The following RPS6KA5 variants were observed in gnomAD, a reference collection of about 807,000 sequenced individuals.
RPS6KA5 encodes the protein ribosomal protein S6 kinase alpha-5.
In RPS6KA5, 27 loss-of-function variants were observed where a neutral mutation model predicts 85.5. The observed-to-expected ratio is 0.32, with a 90% CI of 0.23 to 0.44. RPS6KA5 has a LOEUF of 0.44. Among genes scored for constraint, RPS6KA5 ranks in the 20% least tolerant of loss-of-function variants. RPS6KA5 has a pLI of 1.00. For synonymous variants in RPS6KA5, 334 were observed against 348.2 expected, an observed-to-expected ratio of 0.96 and a Z score of 0.46; for missense variants, 811 against 980.9, an observed-to-expected ratio of 0.83 and a Z score of 2.31.
At chr14:90,964,179 A>G (rs1244226441) in intron 3 of RPS6KA5, among the ~76,000 whole-genome samples, 1 of 152,236 alleles carries the variant, frequency 6.6e-6, no homozygotes, top group Non-Finnish European at 1.5e-5. Flanking sequence ...TTCTCCTGAT[A>G]AAACAAAGAA....
chr14:90,934,315 T>G (rs116535935), intron 5 of RPS6KA5, among the ~76,000 whole-genome samples: 1,570 of 152,320 alleles, frequency 0.01, 11 homozygotes, highest in South Asian at 0.034. Context: ...TATTATTTTC[T>G]ATTTTTATTG....
rs528896018 is a variant in RPS6KA5 at position 91,018,489 on chromosome 14, T to C, written c.104-17330A>G. Among the ~76,000 whole-genome samples the C allele has an allele frequency of 2.0e-5, 3 of 152,312 alleles. No individual in the cohort carries two copies. In the East Asian group the frequency reaches 5.8e-4, roughly 29 times the overall value. On this transcript the variant is annotated intron_variant, in intron 1 of 16. Coordinates refer to ENST00000614987, the MANE Select transcript of RPS6KA5 (RefSeq NM_004755.4). ...AATGTGGGTGGGCACCACCATCCAA[T>C]CGGCTGCCAGCATGGCTAGAACAAA...
At chr14:90,949,006 T>C (rs77096896) in intron 3 of RPS6KA5, among the ~76,000 whole-genome samples, 124 of 152,326 alleles carry the variant, frequency 8.1e-4, no homozygotes, top group African/African-American at 2.9e-3. Context: ...TGTTTTGCAA[T>C]GCATTTTACA....
chr14:90,872,044 C>CAATG lies in RPS6KA5; in HGVS notation c.*26_*29dup. The CAATG allele has an allele frequency of 6.3e-7, 1 of 1,590,924 alleles. No homozygotes were observed. Reference sequence around the variant, plus strand: ...GGCATATGCTGAGGGAATAAAGGTGCAATGGATCACTGATACACTCCTACC... The same window carrying CAATG: ...GGCATATGCTGAGGGAATAAAGGTGCAATGAATGGATCACTGATACACTCCTACC... On this transcript the variant is annotated 3_prime_UTR_variant, in exon 17 of 17. Coordinates refer to ENST00000614987, the MANE Select transcript of RPS6KA5 (RefSeq NM_004755.4).
At chr14:90,949,617 T>C (rs772106594) in intron 3 of RPS6KA5, among the ~76,000 whole-genome samples, 5 of 152,188 alleles carry the variant, frequency 3.3e-5, no homozygotes, top group Non-Finnish European at 7.4e-5. Context: ...AAAAATCTAA[T>C]GTACTCCTGT....
At chr14:91,000,753 G>A (rs1344909562) in intron 2 of RPS6KA5, among the ~76,000 whole-genome samples, 1 of 152,094 alleles carries the variant, frequency 6.6e-6, no homozygotes, top group Non-Finnish European at 1.5e-5. Context: ...AGTGAGCTGA[G>A]ATCACGCCAC....
chr14:90,850,034 C>A lies in RPS6KA5; in HGVS notation c.*22040G>T, dbSNP rs2031912931. The A allele has an allele frequency of 6.6e-6, 1 of 152,222 alleles. No homozygotes were observed. The highest frequency in any genetic ancestry group is 2.1e-4 in the South Asian group (1 of 4,830). 9.4% of individuals were successfully genotyped at this position (152,222 alleles called of 1,614,324 possible). ...CCACCTATATTTAAAACAAAGGAAT[C>A]CCCAGTCTCTTTGAAGTATGTGCCT... On this transcript the variant is annotated 3_prime_UTR_variant, in exon 17 of 17. Coordinates refer to ENST00000614987, the MANE Select transcript of RPS6KA5 (RefSeq NM_004755.4).
chr14:91,059,687 C>T (rs2043541310), intron 1 of RPS6KA5, among the ~76,000 whole-genome samples: 1 of 152,204 alleles, frequency 6.6e-6, no homozygotes, highest in African/African-American at 2.4e-5. Flanking sequence ...ATTTCTAAAG[C>T]CATCATCTCC....
At chr14:91,039,100 G>C (rs969544745) in intron 1 of RPS6KA5, among the ~76,000 whole-genome samples, 3 of 152,098 alleles carry the variant, frequency 2.0e-5, no homozygotes. Context: ...TCAAGTCCTA[G>C]AGCTATCAAT....
Position 90,897,969 on chromosome 14 carries a change from G to A in RPS6KA5, c.1473+1360C>T, listed in dbSNP as rs545228219. Among the ~76,000 whole-genome samples the A allele has an allele frequency of 5.3e-5, 8 of 152,332 alleles. No individual in the cohort carries two copies. The South Asian group carries it at 1.0e-3, about 20-fold the overall frequency. On this transcript the variant is annotated intron_variant, in intron 12 of 16. Coordinates refer to ENST00000614987, the MANE Select transcript of RPS6KA5 (RefSeq NM_004755.4). ...GAGTGGCTTGATGAGGCAAGAGGAG[G>A]TAGAGGATCAGGGAGAGCGGTTCCC...
intron 2 of RPS6KA5, among the ~76,000 whole-genome samples, chr14:90,997,547 A>T (rs2040584136): frequency 4.6e-5 from 7 of 152,028 alleles, no homozygotes; most frequent in Admixed American, 4.6e-4. Flanking sequence ...TGCCCAACCA[A>T]TTTTTTAATT....
chr14:90,893,733 G>A (rs1022379680), intron 13 of RPS6KA5, among the ~76,000 whole-genome samples: 3 of 151,762 alleles, frequency 2.0e-5, no homozygotes, highest in African/African-American at 4.8e-5. Flanking sequence ...ATTGATTTTC[G>A]TTTTTCAATT....
chr14:90,924,976 T>C (rs1040025658), intron 5 of RPS6KA5, among the ~76,000 whole-genome samples: 1 of 152,246 alleles, frequency 6.6e-6, no homozygotes, highest in African/African-American at 2.4e-5. Flanking sequence ...AACAGGTTTT[T>C]TTCTCATCCC....
At chr14:90,934,580 T>G (rs2037163603) in intron 5 of RPS6KA5, among the ~76,000 whole-genome samples, 2 of 152,170 alleles carry the variant, frequency 1.3e-5, no homozygotes, top group South Asian at 4.1e-4. Context: ...AAATATATAC[T>G]TGGAAGTTTC....
rs1334503348 is a variant in RPS6KA5, at chr14:90,847,957, G to C, written c.*24117C>G. The C allele has an allele frequency of 6.6e-6, 1 of 152,128 alleles. No homozygotes were observed. The highest frequency in any genetic ancestry group is 1.5e-5 in the Non-Finnish European group (1 of 68,018). The allele number at this position is 152,128 out of a possible 1,614,324, so 9.4% of individuals were successfully genotyped here. A position where few individuals can be genotyped will look rare whatever the true frequency, so the allele number is the denominator to read the frequency against. On this transcript the variant is annotated 3_prime_UTR_variant, in exon 17 of 17. Transcript: ENST00000614987. The stretch of plus-strand genomic sequence containing the variant: ...GTAAAAAGTAAGCCCTTACTGCTTT[G>C]TTAAAAATAAAACCCATACATAAAG...
Position 90,900,506 on chromosome 14 carries a change from T to C in RPS6KA5, c.1245+105A>G, listed in dbSNP as rs1282006238. 7.6e-6 allele frequency: 9 copies of C among 1,182,898 alleles called. No homozygotes were observed. The East Asian group carries it at 7.7e-5, about 10-fold the overall frequency. 73.3% of individuals were successfully genotyped at this position (1,182,898 alleles called of 1,614,324 possible). On this transcript the variant is annotated intron_variant, in intron 10 of 16. Coordinates refer to ENST00000614987, the MANE Select transcript of RPS6KA5 (RefSeq NM_004755.4). ...ATATTGCTATATCCCACTTTTAAAA[T>C]TGCACTTTAGTTGAATTACTAGACT...
Position 90,858,036 on chromosome 14 carries a change from A to G in RPS6KA5, c.*14038T>C, listed in dbSNP as rs1453724337. 6.6e-6 allele frequency: 1 copy of G among 152,166 alleles called. No homozygotes were observed. Among genetic ancestry groups the G allele is most frequent in the Admixed American group, 6.5e-5 (1 of 15,274 alleles). 9.4% of individuals were successfully genotyped at this position (152,166 alleles called of 1,614,324 possible). On this transcript the variant is annotated 3_prime_UTR_variant, in exon 17 of 17. Transcript: ENST00000614987. ...ACAATGGCGATTAAAAATGATTACC[A>G]CCAGATTTTTGCTTTTGGCCACAAT...
In RPS6KA5 at chr14:90,943,107, C is replaced by A; in HGVS notation, c.589G>T (p.Gly197Cys). The change falls in exon 5 of 17, where the codon GGT (glycine) becomes TGT (cysteine). Residue 197 changes from glycine (G) to cysteine (C), a missense_variant. Transcript: ENST00000614987. ...TCAGCCACAAACTCCTTACTCAGAC[C>A]AAAATCTGTCAGCACCACATGGCCA... is the stretch of plus-strand genomic sequence containing the variant. ...SNGHVVLTDF[G>C]LSKEFVADET... The A allele has an allele frequency of 2.5e-6, 4 of 1,611,882 alleles. No homozygotes were observed. Among genetic ancestry groups the A allele is most frequent in the Non-Finnish European group, 3.4e-6 (4 of 1,178,180 alleles).
At chr14:90,925,496 T>C (rs2036609328) in intron 5 of RPS6KA5, among the ~76,000 whole-genome samples, 1 of 151,984 alleles carries the variant, frequency 6.6e-6, no homozygotes, top group South Asian at 2.1e-4. Flanking sequence ...TTCTGCACGG[T>C]GTGGGGAAGT....
Sources: gnomAD v4.1 joint callset for allele counts (sites outside exome capture counted in the v4.1 genomes callset) on GRCh38, gnomAD v4.1.1 for gene constraint, MANE v1.5 for transcripts, NCBI Gene and HGNC (gene_info 2026-07-23, HGNC 2026-07-21) for gene names.